PLA2G6: variants seen among roughly 807,000 people sequenced by gnomAD.
PLA2G6 encodes phospholipase A2 group VI, also known as 85/88 kDa calcium-independent phospholipase A2.
A neutral mutation model predicts 83.8 loss-of-function variants in PLA2G6; 62 were observed. The ratio of observed to expected loss-of-function variants is 0.74; its 90% CI spans 0.60 to 0.91. The LOEUF (loss-of-function observed/expected upper bound fraction) is 0.91. PLA2G6 is among the 40% of genes least tolerant of loss of function. The pLI is 0.00. For synonymous variants in PLA2G6, 417 were observed against 449.8 expected (o/e 0.93, Z 0.92); for missense variants, 944 against 1,102.0 (o/e 0.86, Z 2.03).
intron 10 of PLA2G6, among the ~76,000 whole-genome samples, chr22:38,124,543 T>A (rs1440725787): frequency 6.6e-6 from 1 of 152,162 alleles, no homozygotes; most frequent in Non-Finnish European, 1.5e-5. Flanking sequence ...CTCAGCTTGA[T>A]GAAGCTGAGA....
chr22:38,118,820 C>G (rs1419795832), intron 12 of PLA2G6, among the ~76,000 whole-genome samples: 1 of 150,398 alleles, frequency 6.6e-6, no homozygotes, highest in African/African-American at 2.5e-5. Context: ...GTGATGGGAT[C>G]ACAGCCCACT....
chr22:38,154,517 C>G (rs1338664705), intron 2 of PLA2G6, among the ~76,000 whole-genome samples: 1 of 152,252 alleles, frequency 6.6e-6, no homozygotes, highest in South Asian at 2.1e-4. Context: ...GGTACCTTTA[C>G]GAGTCTGCAA....
At chr22:38,177,422 G>A (rs112967139) in intron 1 of PLA2G6, among the ~76,000 whole-genome samples, 111 of 150,480 alleles carry the variant, frequency 7.4e-4, no homozygotes, top group Admixed American at 2.8e-3. Flanking sequence ...CCCACAGGGC[G>A]CCAGACGCTT....
intron 2 of PLA2G6, chr22:38,147,509 T>C (rs1260785555): frequency 1.2e-5 from 2 of 168,048 alleles, no homozygotes; most frequent in East Asian, 1.9e-4. Context: ...TAATGAACAA[T>C]TGCATAAAAT....
intron 2 of PLA2G6, among the ~76,000 whole-genome samples, chr22:38,159,881 T>C (rs1017059057): frequency 6.6e-6 from 1 of 152,156 alleles, no homozygotes; most frequent in East Asian, 1.9e-4. Flanking sequence ...ATGAACAAAT[T>C]TGACTTCATT....
chr22:38,116,508 T>C (rs2087206340), intron 12 of PLA2G6: 2 of 535,456 alleles, frequency 3.7e-6, no homozygotes, highest in Admixed American at 2.4e-5. Flanking sequence ...TTATCTGTTA[T>C]CAAAATCAGG....
At chr22:38,153,768 TAC>T (rs1463348797) in intron 2 of PLA2G6, among the ~76,000 whole-genome samples, 1 of 152,124 alleles carries the variant, frequency 6.6e-6, no homozygotes, top group East Asian at 1.9e-4. Flanking sequence ...CCAGCTCAGC[TAC>T]AGTGTGGCAG....
chr22:38,117,614 AT>A, intron 12 of PLA2G6, among the ~76,000 whole-genome samples: 1 of 152,346 alleles, frequency 6.6e-6, no homozygotes, highest in East Asian at 1.9e-4. Flanking sequence ...ACAGCAGTCA[AT>A]TTACAACTAA....
chr22:38,123,005 C>G lies in PLA2G6; in HGVS notation c.1591+90G>C. ...TATAGCCCTCCTCTACTCCTCCACT[C>G]TCTTTTTGCAAAGCCCTGAAGACAA... On this transcript the variant is annotated intron_variant, in intron 11 of 16. Coordinates refer to ENST00000332509, the MANE Select transcript of PLA2G6 (RefSeq NM_003560.4). The surrounding 1 kb of genome is among the most constrained non-coding windows in gnomAD (Gnocchi z 4.1). The G allele has an allele frequency of 7.7e-7, 1 of 1,303,016 alleles. No individual in the cohort carries two copies. The highest frequency in any genetic ancestry group is 1.3e-5 in the South Asian group (1 of 78,976). 80.7% of individuals were successfully genotyped at this position (1,303,016 alleles called of 1,614,324 possible).
Position 38,128,436 on chromosome 22 carries a change from C to A in PLA2G6, c.1187-6G>T, listed in dbSNP as rs1188834770. On this transcript the variant is annotated splice_region_variant and splice_polypyrimidine_tract_variant and intron_variant, in intron 8 of 16. Transcript: ENST00000332509. This position sits in a 1 kb window ranked among gnomAD's most constrained non-coding sequence, Gnocchi z 4.4. ...GATCGCCTTCCTGGTGACAACTTGT[C>A]ATGGTTTGGGGAAGGGGAGATGGCA... 1 of 1,613,964 alleles carries A rather than the reference C, an allele frequency of 6.2e-7. No homozygotes were observed. Among genetic ancestry groups the A allele is most frequent in the East Asian group, 2.2e-5 (1 of 44,878 alleles).
chr22:38,133,031 G>C lies in PLA2G6; in HGVS notation c.895-18C>G. The C allele has an allele frequency of 6.4e-7, 1 of 1,552,692 alleles. No individual in the cohort carries two copies. Among genetic ancestry groups the C allele is most frequent in the Non-Finnish European group, 8.7e-7 (1 of 1,151,016 alleles). On this transcript the variant is annotated intron_variant, in intron 6 of 16. Transcript: ENST00000332509. ...CGGGCCATCTGCGGGAGACGGTCAG[G>C]CTGAGTTAGCACAGGCACTCGGGGA...
At chr22:38,126,948 T>C in intron 9 of PLA2G6, 5 of 1,007,866 alleles carry the variant, frequency 5.0e-6, no homozygotes, top group Non-Finnish European at 6.1e-6. Flanking sequence ...AGTCCATGGA[T>C]GAAAGGAGAC....
At chr22:38,162,714 G>A (rs1450966562) in intron 2 of PLA2G6, among the ~76,000 whole-genome samples, 1 of 152,096 alleles carries the variant, frequency 6.6e-6, no homozygotes, top group Admixed American at 6.5e-5. Flanking sequence ...ACCTATCACC[G>A]GGGTGACAGC....
At chr22:38,165,112 A>T (rs1287479835) in intron 2 of PLA2G6, among the ~76,000 whole-genome samples, 1 of 150,986 alleles carries the variant, frequency 6.6e-6, no homozygotes, top group Non-Finnish European at 1.5e-5. Flanking sequence ...TTCCCAGCTC[A>T]CTCCTTCAAC....
Position 38,135,095 on chromosome 22 carries a change from AG to A in PLA2G6, c.798-12del. 1 of 1,607,704 alleles carries A rather than the reference AG, an allele frequency of 6.2e-7. No homozygotes were observed. Among genetic ancestry groups the A allele is most frequent in the Non-Finnish European group, 8.5e-7 (1 of 1,174,528 alleles). On this transcript the variant is annotated splice_polypyrimidine_tract_variant and intron_variant, in intron 5 of 16. Coordinates refer to ENST00000332509, the MANE Select transcript of PLA2G6 (RefSeq NM_003560.4). ...ATCATCTCCGCACACCTGGTGAGAG[AG>A]GGGCCCCGGTTGGTGAGCAGAAGCT...
At position 38,169,298 on chromosome 22, in the gene PLA2G6, C is replaced by G. The variant is rs555601622; in HGVS notation, c.129G>C (p.Gln43His). 1 of 1,614,246 alleles carries G rather than the reference C, an allele frequency of 6.2e-7. No individual in the cohort carries two copies. Among genetic ancestry groups the G allele is most frequent in the South Asian group, 1.1e-5 (1 of 91,088 alleles). Residue 43 changes from glutamine (Q) to histidine (H), a missense_variant, in exon 2 of 17, where the codon CAG becomes CAC. Transcript: ENST00000332509. ...TSSDRVREEG[Q>H]LILFQNTPNR... is the part of the protein sequence containing the mutation. ...TGGGAGTGTTCTGGAACAGAATCAG[C>G]TGCCCTTCCTCCCGAACTCGGTCAC...
intron 2 of PLA2G6, chr22:38,149,518 G>C (rs1170363877): frequency 1.3e-5 from 2 of 152,168 alleles, no homozygotes; most frequent in African/African-American, 4.8e-5. Flanking sequence ...GTACATAAGA[G>C]ACACAGACTA....
rs763257405 is a variant in PLA2G6 at position 38,169,380 on chromosome 22, T to C, written c.47A>G (p.Asn16Ser). 1.9e-5 allele frequency: 30 copies of C among 1,614,078 alleles called. No individual in the cohort carries two copies. In the South Asian group the frequency reaches 2.3e-4, roughly 12 times the overall value. The change falls in exon 2 of 17, where the codon AAC becomes AGC. Residue 16 changes from asparagine to serine, a missense_variant. By Grantham distance (46) the Asn-to-Ser change is conservative (BLOSUM62 1). Transcript: ENST00000332509. ...RLVNTFSGVT[N>S]LFSNPFRVKE... ...CACCCGGAATGGGTTAGAGAACAAG[T>C]TGGTGACGCCACTGAAGGTATTGAC...
intron 2 of PLA2G6, among the ~76,000 whole-genome samples, chr22:38,151,824 G>T (rs183351030): frequency 1.3e-5 from 2 of 152,318 alleles, no homozygotes; most frequent in Non-Finnish European, 2.9e-5. Context: ...AATCTCTAAG[G>T]TTCTGTCAAG....
Sources: allele counts gnomAD v4.1 joint callset (sites outside exome capture counted in the v4.1 genomes callset), GRCh38; gene constraint gnomAD v4.1.1; non-coding constraint Gnocchi (gnomAD v3.1); transcripts MANE v1.5; gene names NCBI Gene and HGNC (gene_info 2026-07-23, HGNC 2026-07-21).